MYLIP: variants seen among roughly 807,000 people sequenced by gnomAD.
MYLIP encodes the protein myosin regulatory light chain interacting protein.
MYLIP carries 26 observed loss-of-function variants against 45.8 expected under a neutral mutation model. That is an observed-to-expected ratio of 0.57 (90% confidence interval 0.42 to 0.79). The LOEUF (loss-of-function observed/expected upper bound fraction) is 0.79. Among genes scored for constraint, MYLIP ranks in the 30% least tolerant of loss-of-function variants. The probability of loss-of-function intolerance (pLI) is 0.00; values close to 1 mark genes in which losing one functional copy is unlikely to be tolerated. For synonymous variants in MYLIP, 213 were observed against 218.1 expected, an observed-to-expected ratio of 0.98 and a Z score of 0.21; for missense variants, 494 against 555.6, an observed-to-expected ratio of 0.89 and a Z score of 1.11.
chr6:16,142,445 C>A (rs926855910), intron 3 of MYLIP, among the ~76,000 whole-genome samples: 1 of 152,200 alleles, frequency 6.6e-6, no homozygotes, highest in Admixed American at 6.5e-5. Flanking sequence ...TCTATTCCTG[C>A]ATAACAAGTT....
chr6:16,148,972 A>T (rs1311327634), downstream of MYLIP, among the ~76,000 whole-genome samples: 1 of 152,174 alleles, frequency 6.6e-6, no homozygotes, highest in Non-Finnish European at 1.5e-5. Flanking sequence ...CTGTACCTAT[A>T]ACCTAAGTCA....
At position 16,129,330 on chromosome 6, in the gene MYLIP, GTTA is replaced by G; in HGVS notation, c.10_12del (p.Tyr4del). Reference sequence around the variant, plus strand: ...GCAGCGGCAGCCCCAGCCATGCTGTGTTATGTGACGAGGCCGGACGCGGTGCTG... The same window carrying G: ...GCAGCGGCAGCCCCAGCCATGCTGTGTGTGACGAGGCCGGACGCGGTGCTG... On this transcript the variant is annotated inframe_deletion, in exon 1 of 7. Coordinates refer to ENST00000356840, the MANE Select transcript of MYLIP (RefSeq NM_013262.4). This position sits in a 1 kb window ranked among gnomAD's most constrained non-coding sequence, Gnocchi z 5.1. 1 of 1,573,928 alleles carries G rather than the reference GTTA, an allele frequency of 6.4e-7. No homozygotes were observed. Among genetic ancestry groups the G allele is most frequent in the Non-Finnish European group, 8.6e-7 (1 of 1,160,386 alleles).
At chr6:16,160,523 C>T in the MYLIP span, among the ~76,000 whole-genome samples, 4 of 152,032 alleles carry the variant, frequency 2.6e-5, no homozygotes, top group South Asian at 2.1e-4. Flanking sequence ...AGGTCTGGGC[C>T]GGGTGCGATG....
In MYLIP at chr6:16,143,860, A is replaced by G; in HGVS notation, c.824A>G (p.Tyr275Cys). The G allele has an allele frequency of 6.2e-7, 1 of 1,612,360 alleles. No individual in the cohort carries two copies. The highest frequency in any genetic ancestry group is 1.1e-5 in the South Asian group (1 of 90,974). The change falls in exon 5 of 7, where the codon TAC (tyrosine) becomes TGC (cysteine). Residue 275 changes from tyrosine to cysteine, a missense_variant. Transcript: ENST00000356840. ...GCGATAACAGAGACGCACGCATTCT[A>G]CAGGCACGTATCTCGTGTGCTTGGT... ...YRAITETHAFYRCDTVTSAVM... is the reference protein window; with the variant it reads ...YRAITETHAFCRCDTVTSAVM...
the MYLIP span, among the ~76,000 whole-genome samples, chr6:16,159,620 A>T: frequency 6.6e-6 from 1 of 152,186 alleles, no homozygotes; most frequent in Admixed American, 6.5e-5. Context: ...TGCCATAATA[A>T]TGATCAAAAG....
the MYLIP span, chr6:16,163,788 T>C: frequency 6.6e-6 from 1 of 152,276 alleles, no homozygotes; most frequent in African/African-American, 2.4e-5. Context: ...TTAAGAAGCA[T>C]TGTTAACAAA....
chr6:16,142,844 T>C (rs181726201), intron 3 of MYLIP, among the ~76,000 whole-genome samples, 176 bp from the exon 4 acceptor site: 1 of 152,240 alleles, frequency 6.6e-6, no homozygotes. Flanking sequence ...GAGATCCCAG[T>C]GTCTTAGACG....
downstream of MYLIP, among the ~76,000 whole-genome samples, chr6:16,151,758 A>G (rs1050137404): frequency 2.1e-4 from 32 of 152,262 alleles, no homozygotes; most frequent in African/African-American, 7.0e-4. Flanking sequence ...CACAAATGAT[A>G]CAGATTGAAC....
At chr6:16,157,805 C>A in the MYLIP span, among the ~76,000 whole-genome samples, 1 of 152,356 alleles carries the variant, frequency 6.6e-6, no homozygotes, top group South Asian at 2.1e-4. Context: ...CCCAGGTTAA[C>A]GGGCAGCCCT....
At chr6:16,144,681 C>A (rs1759746870) in intron 5 of MYLIP, among the ~76,000 whole-genome samples, 1 of 152,198 alleles carries the variant, frequency 6.6e-6, no homozygotes. Context: ...TCTGTATTTA[C>A]TGCTTTACGG....
chr6:16,149,972 G>C (rs1759857672), downstream of MYLIP, among the ~76,000 whole-genome samples: 1 of 152,186 alleles, frequency 6.6e-6, no homozygotes, highest in Non-Finnish European at 1.5e-5. Context: ...CAAACCTGGA[G>C]GTAGTTGAAA....
At chr6:16,136,680 C>T (rs939744492) in intron 2 of MYLIP, among the ~76,000 whole-genome samples, 1 of 152,172 alleles carries the variant, frequency 6.6e-6, no homozygotes, top group African/African-American at 2.4e-5. Context: ...TATTTGGCAA[C>T]TGTGCTATTC....
At chr6:16,159,696 A>C in the MYLIP span, among the ~76,000 whole-genome samples, 1 of 152,182 alleles carries the variant, frequency 6.6e-6, no homozygotes, top group Admixed American at 6.5e-5. Context: ...GGCTGTCTGC[A>C]AACTCAGCCT....
chr6:16,149,935 C>G (rs1434471507), downstream of MYLIP, among the ~76,000 whole-genome samples: 1 of 152,146 alleles, frequency 6.6e-6, no homozygotes, highest in African/African-American at 2.4e-5. Flanking sequence ...AGGGTTTGGC[C>G]ACACATTTGA....
chr6:16,154,560 C>T, the MYLIP span, among the ~76,000 whole-genome samples: 2 of 152,208 alleles, frequency 1.3e-5, no homozygotes, highest in Admixed American at 6.5e-5. Flanking sequence ...AACCCACCCA[C>T]AGCACTGCTT....
At chr6:16,151,202 A>T (rs560359808), downstream of MYLIP, among the ~76,000 whole-genome samples, 30 of 151,796 alleles carry the variant, frequency 2.0e-4, no homozygotes, top group East Asian at 5.8e-3. Flanking sequence ...AAAAAAATAC[A>T]AAAAATCAGC....
intron 6 of MYLIP, among the ~76,000 whole-genome samples, chr6:16,146,096 T>C (rs971075058): frequency 6.6e-6 from 1 of 152,202 alleles, no homozygotes; most frequent in African/African-American, 2.4e-5. Context: ...CATAGGCTTG[T>C]CTTTTTCTGC....
Position 16,129,247 on chromosome 6 carries a change from G to C in MYLIP, c.-76G>C. 6.8e-7 allele frequency: 1 copy of C among 1,465,234 alleles called. No homozygotes were observed. The highest frequency in any genetic ancestry group is 1.2e-5 in the South Asian group (1 of 82,118). 90.8% of individuals were successfully genotyped at this position (1,465,234 alleles called of 1,614,324 possible). A position where few individuals can be genotyped will look rare whatever the true frequency, so the allele number is the denominator to read the frequency against. On this transcript the variant is annotated 5_prime_UTR_variant, in exon 1 of 7. Transcript: ENST00000356840. The surrounding 1 kb of genome is among the most constrained non-coding windows in gnomAD (Gnocchi z 5.1). Reference sequence around the variant, plus strand: ...CAGCCCTCTCCGAGTCCGGGGCTGGGTCCCACCAGTGACAAGGCGGCAGCC... The same window carrying C: ...CAGCCCTCTCCGAGTCCGGGGCTGGCTCCCACCAGTGACAAGGCGGCAGCC...
Position 16,141,716 on chromosome 6 carries a change from GC to G in MYLIP, c.373del (p.Gln125ArgfsTer29). The G allele has an allele frequency of 6.2e-7, 1 of 1,614,096 alleles. No homozygotes were observed. The highest frequency in any genetic ancestry group is 8.5e-7 in the Non-Finnish European group (1 of 1,180,008). On this transcript the variant is annotated frameshift_variant, in exon 3 of 7. Transcript: ENST00000356840. LOFTEE classifies it high-confidence loss of function. ...EQAVELSALL[A>X]QTKFGDYNQN... The stretch of plus-strand genomic sequence containing the variant: ...GGCAGTGGAACTCAGTGCCCTCCTG[GC>G]CCAGACCAAGTTTGGAGACTACAAC...
Sources: allele counts gnomAD v4.1 joint callset (sites outside exome capture counted in the v4.1 genomes callset), GRCh38; gene constraint gnomAD v4.1.1; non-coding constraint Gnocchi (gnomAD v3.1); transcripts MANE v1.5; gene names NCBI Gene and HGNC (gene_info 2026-07-23, HGNC 2026-07-21).